Variants in PIGO observed in about 807,000 individuals in gnomAD.
PIGO encodes the protein GPI ethanolamine phosphate transferase 3, catalytic subunit.
PIGO carries 66 observed loss-of-function variants against 86.9 expected under a neutral mutation model. The ratio of observed to expected loss-of-function variants is 0.76; its 90% CI spans 0.62 to 0.93. The LOEUF is 0.93. Among genes scored for constraint, PIGO ranks in the 40% least tolerant of loss-of-function variants. The pLI, the probability that PIGO is intolerant of heterozygous loss-of-function variation, is 0.00. For synonymous variants in PIGO, 570 were observed against 556.4 expected (o/e 1.02, Z -0.34); for missense variants, 1,202 against 1,359.1 (o/e 0.88, Z 1.82).
chr9:35,095,640 G>A (rs1167058643), intron 1 of PIGO, 74 bp from the exon 2 acceptor site: 2 of 1,410,328 alleles, frequency 1.4e-6, no homozygotes, highest in East Asian at 5.0e-5. Context: ...CTGAATACAA[G>A]CCCAGCTAGA....
At position 35,091,856 on chromosome 9, in the gene PIGO, C is replaced by A. The variant is rs886063904; in HGVS notation, c.2031G>T (p.Leu677=). Residue 677 remains leucine, a synonymous_variant, in exon 7 of 11, where the codon CTG becomes CTT. Transcript: ENST00000378617. The stretch of plus-strand genomic sequence containing the variant: ...AGCGCACGGCAGCTAACAGGGCCAC[C>A]AGCGCCGCCACACAAGCTCCATACC... ...NLWYGACVAA[L]VALLAAVRLW... 2 of 1,614,024 alleles carry A rather than the reference C, an allele frequency of 1.2e-6. No individual in the cohort carries two copies. The highest frequency in any genetic ancestry group is 2.7e-5 in the African/African-American group (2 of 74,944).
Position 35,090,197 on chromosome 9 carries a change from C to T in PIGO, c.2938G>A (p.Ala980Thr). ...RKRQQPPGNE[A>T]DARVRPEEEE... is the part of the protein sequence containing the mutation. The stretch of plus-strand genomic sequence containing the variant: ...TCCTCGGGTCTGACTCTGGCATCAG[C>T]TTCATTCCCTGGGGGCTGCTGTCTC... Residue 980 changes from alanine (A) to threonine (T), a missense_variant, in exon 9 of 11, where the codon GCT becomes ACT. Ala to Thr is a moderately conservative substitution (Grantham distance 58). Transcript: ENST00000378617. The T allele has an allele frequency of 6.2e-7, 1 of 1,614,232 alleles. No homozygotes were observed. Among genetic ancestry groups the T allele is most frequent in the Non-Finnish European group, 8.5e-7 (1 of 1,180,050 alleles).
Position 35,091,255 on chromosome 9 carries a change from G to A in PIGO, c.2632C>T (p.Pro878Ser), listed in dbSNP as rs755660562. The change falls in exon 7 of 11, where the codon CCC becomes TCC. Residue 878 changes from proline (P) to serine (S), a missense_variant. Pro to Ser is a moderately conservative substitution (Grantham distance 74). Coordinates refer to ENST00000378617, the MANE Select transcript of PIGO (RefSeq NM_032634.4). Reference sequence around the variant, plus strand: ...AGATATTTACCAGGGGTGGTGACGGGTATCCCAGCAGCAAGCAGATGTAGG... The same window carrying A: ...AGATATTTACCAGGGGTGGTGACGGATATCCCAGCAGCAAGCAGATGTAGG... ...LLLHLLAAGI[P>S]VTTPGPFTVP... The A allele has an allele frequency of 6.3e-7, 1 of 1,597,840 alleles. No individual in the cohort carries two copies. The highest frequency in any genetic ancestry group is 2.2e-5 in the East Asian group (1 of 44,716).
At chr9:35,093,379 C>T (rs767136810) in intron 5 of PIGO, 42 bp downstream of exon 5, 1 of 1,612,616 alleles carries the variant, frequency 6.2e-7, no homozygotes, top group Admixed American at 1.7e-5. Context: ...GTAACATGGG[C>T]TGATTACTGG....
At position 35,090,296 on chromosome 9, in the gene PIGO, G is replaced by A. The variant is rs1426507806; in HGVS notation, c.2855-16C>T. On this transcript the variant is annotated splice_polypyrimidine_tract_variant and intron_variant, in intron 8 of 10. Coordinates refer to ENST00000378617, the MANE Select transcript of PIGO (RefSeq NM_032634.4). ...GGGCAACCTACTGCCTCAAGAGAGG[G>A]TATGGCTGGAATCAACAGGCCACCC... is the stretch of plus-strand genomic sequence containing the variant. 1 of 1,608,642 alleles carries A rather than the reference G, an allele frequency of 6.2e-7. No homozygotes were observed. Among genetic ancestry groups the A allele is most frequent in the East Asian group, 2.2e-5 (1 of 44,734 alleles).
intron 1 of PIGO, 118 bp from the exon 2 acceptor site, chr9:35,095,684 A>C: frequency 7.9e-7 from 1 of 1,257,998 alleles, no homozygotes. Flanking sequence ...CTGGAGATAA[A>C]CCATTTCACA....
At position 35,089,873 on chromosome 9, in the gene PIGO, T is replaced by C. The variant is rs528992246; in HGVS notation, c.3069+193A>G. The C allele has an allele frequency of 2.8e-6, 4 of 1,421,616 alleles. No homozygotes were observed. The African/African-American group carries it at 4.3e-5, about 15-fold the overall frequency. 88.1% of individuals were successfully genotyped at this position (1,421,616 alleles called of 1,614,324 possible). A position where few individuals can be genotyped will look rare whatever the true frequency, so the allele number is the denominator to read the frequency against. On this transcript the variant is annotated intron_variant, in intron 9 of 10. Coordinates refer to ENST00000378617, the MANE Select transcript of PIGO (RefSeq NM_032634.4). Reference sequence around the variant, plus strand: ...CCAGATCTAGGTTGTAGAGGGGAAATGATCCAGGACTAGGATTAAGGAGAC... The same window carrying C: ...CCAGATCTAGGTTGTAGAGGGGAAACGATCCAGGACTAGGATTAAGGAGAC...
chr9:35,091,992 G>A lies in PIGO; in HGVS notation c.1895C>T (p.Thr632Ile). The change falls in exon 7 of 11, where the codon ACA becomes ATA. Residue 632 changes from threonine (T) to isoleucine (I), a missense_variant. By Grantham distance (89) the Thr-to-Ile change is moderately conservative. Transcript: ENST00000378617. ...LRLGIGLLLC[T>I]RLAGLFHRCP... is the part of the protein sequence containing the mutation. ...ACGATGAAAAAGCCCAGCTAGCCTTGTACATAAAAGCAACCCAATTCCAAG... is the reference window on the plus strand; with the variant it reads ...ACGATGAAAAAGCCCAGCTAGCCTTATACATAAAAGCAACCCAATTCCAAG... The A allele has an allele frequency of 1.9e-6, 3 of 1,614,204 alleles. No individual in the cohort carries two copies. Among genetic ancestry groups the A allele is most frequent in the Non-Finnish European group, 2.5e-6 (3 of 1,180,036 alleles).
Position 35,091,503 on chromosome 9 carries a change from T to C in PIGO, c.2384A>G (p.Tyr795Cys). The stretch of plus-strand genomic sequence containing the variant: ...GTGTCGGTAGATTTGAGGGACCACA[T>C]AATCCAAGTCAGCTTGAGAAGTGGG... The part of the protein sequence containing the change: ...GPPTSQADLD[Y>C]VVPQIYRHMQ... The change falls in exon 7 of 11, where the codon TAT (tyrosine) becomes TGT (cysteine). Residue 795 changes from tyrosine to cysteine, a missense_variant. Physicochemically the swap from Tyr to Cys is radical, Grantham distance 194. Transcript: ENST00000378617. 1 of 1,614,164 alleles carries C rather than the reference T, an allele frequency of 6.2e-7. No homozygotes were observed. Among genetic ancestry groups the C allele is most frequent in the South Asian group, 1.1e-5 (1 of 91,080 alleles).
chr9:35,089,347 C>A (rs1410870819), intron 10 of PIGO, 33 bp downstream of exon 10: 1 of 1,614,158 alleles, frequency 6.2e-7, no homozygotes, highest in Non-Finnish European at 8.5e-7. Flanking sequence ...TCTCCCTCCC[C>A]ACCACCTCTA....
rs780502790 is a variant in PIGO, at chr9:35,091,718, C to A, written c.2169G>T (p.Ser723=). 5.6e-6 allele frequency: 9 copies of A among 1,612,156 alleles called. No individual in the cohort carries two copies. The highest frequency in any genetic ancestry group is 6.8e-6 in the Non-Finnish European group (8 of 1,180,020). Residue 723 remains serine (S), a synonymous_variant, in exon 7 of 11, where the codon TCG becomes TCT. Transcript: ENST00000378617. ...GACGGGGGGGAGCCTCATCTGCCCC[C>A]GACGCCAATGCCCAGTAGGCAGCAG... The part of the protein sequence containing the change: ...LGTAAYWALA[S]GADEAPPRLR...
At chr9:35,090,999 C>A (rs1829390788) in intron 7 of PIGO, 3 of 581,320 alleles carry the variant, frequency 5.2e-6, no homozygotes, top group Non-Finnish European at 9.0e-6. Context: ...AGCATTTCCA[C>A]AGGGAGTCTT....
chr9:35,089,386 G>A lies in PIGO; in HGVS notation c.3134C>T (p.Ala1045Val), dbSNP rs1829313278. ...CTCAAGCAAATCTACTCACTTAGGG[G>A]CAAACACTTTCCAGACCATGAGATG... ...RRHLMVWKVF[A>V]PKFIFEAVGF... Residue 1045 changes from alanine to valine, a missense_variant, in exon 10 of 11, where the codon GCC (alanine) becomes GTC (valine). Physicochemically the swap from Ala to Val is moderately conservative, Grantham distance 64. Transcript: ENST00000378617. 6.2e-7 allele frequency: 1 copy of A among 1,614,042 alleles called. No homozygotes were observed. The highest frequency in any genetic ancestry group is 1.3e-5 in the African/African-American group (1 of 74,898).
At chr9:35,089,727 C>G (rs577523835) in intron 9 of PIGO, 3 of 1,402,472 alleles carry the variant, frequency 2.1e-6, no homozygotes, top group East Asian at 2.7e-5. Flanking sequence ...AGTGCCACAT[C>G]TGCCTCTGGA....
Position 35,095,515 on chromosome 9 carries a change from G to C in PIGO, c.51C>G (p.Phe17Leu). 1 of 1,607,512 alleles carries C rather than the reference G, an allele frequency of 6.2e-7. No homozygotes were observed. The change falls in exon 2 of 11, where the codon TTC (phenylalanine) becomes TTG (leucine). Residue 17 changes from phenylalanine to leucine, a missense_variant. Coordinates refer to ENST00000378617, the MANE Select transcript of PIGO (RefSeq NM_032634.4). The stretch of plus-strand genomic sequence containing the variant: ...TGGTGAAGAGGGCAATGCCAGCGTA[G>C]AAGAGGAAGCAGACCCAGGCCAGGA... ...LLFLAWVCFL[F>L]YAGIALFTSG...
intron 9 of PIGO, 49 bp from the exon 10 acceptor site, chr9:35,089,499 G>A (rs1829319967): frequency 9.3e-6 from 15 of 1,612,882 alleles, no homozygotes; most frequent in Middle Eastern, 3.3e-4. Context: ...AGAGGAGGAA[G>A]CGGAGCAAAA....
chr9:35,088,872 C>A lies in PIGO; in HGVS notation c.*220G>T, dbSNP rs773911038. 2 of 584,300 alleles carry A rather than the reference C, an allele frequency of 3.4e-6. No individual in the cohort carries two copies. Among genetic ancestry groups the A allele is most frequent in the Admixed American group, 6.4e-5 (2 of 31,272 alleles). 36.2% of individuals were successfully genotyped at this position (584,300 alleles called of 1,614,324 possible). A position where few individuals can be genotyped will look rare whatever the true frequency, so the allele number is the denominator to read the frequency against. On this transcript the variant is annotated 3_prime_UTR_variant, in exon 11 of 11. Transcript: ENST00000378617. ...TTTTATTCCACTTCGGAGACCGCCC[C>A]CCTTGTCCCTCAGATGCATCCAAAT... is the stretch of plus-strand genomic sequence containing the variant.
In PIGO at chr9:35,092,086, T is replaced by C. The variant is rs2131075982; in HGVS notation, c.1801A>G (p.Thr601Ala). The change falls in exon 7 of 11, where the codon ACA becomes GCA. Residue 601 changes from threonine to alanine, a missense_variant. By Grantham distance (58) the Thr-to-Ala change is moderately conservative (BLOSUM62 0). Transcript: ENST00000378617. ...EGQLLPPKLL[T>A]MPRLGTSATT... ...GCTGAAGTGCCAAGGCGGGGCATTG[T>C]GAGTAGCTTAGGTGGAAGCAGCTGG... The C allele has an allele frequency of 6.2e-7, 1 of 1,614,188 alleles. No individual in the cohort carries two copies. Among genetic ancestry groups the C allele is most frequent in the Non-Finnish European group, 8.5e-7 (1 of 1,180,022 alleles).
chr9:35,092,201 A>G lies in PIGO; in HGVS notation c.1686T>C (p.Ser562=). The change falls in exon 7 of 11, where the codon TCT becomes TCC. Residue 562 remains serine, a synonymous_variant. Transcript: ENST00000378617. ...TGGCCTCAGCTACAACAAAACTATCAGAGAAGAACACAGCCAAGCGAAACA... is the reference window on the plus strand; with the variant it reads ...TGGCCTCAGCTACAACAAAACTATCGGAGAAGAACACAGCCAAGCGAAACA... ...LLLFRLAVFF[S]DSFVVAEARA... is the part of the protein sequence containing the mutation. 1.9e-6 allele frequency: 3 copies of G among 1,614,256 alleles called. No homozygotes were observed. Among genetic ancestry groups the G allele is most frequent in the Non-Finnish European group, 2.5e-6 (3 of 1,180,044 alleles).
Sources: allele counts gnomAD v4.1 joint callset, GRCh38; gene constraint gnomAD v4.1.1; transcripts MANE v1.5; gene names NCBI Gene and HGNC (gene_info 2026-07-23, HGNC 2026-07-21).